The following BMERB1 variants were observed in gnomAD, a reference collection of about 807,000 sequenced individuals.
BMERB1 encodes bMERB domain containing 1, also known as bMERB domain-containing protein 1.
In BMERB1, 12 loss-of-function variants were observed where a neutral mutation model predicts 23.6. That is an observed-to-expected ratio of 0.51 (90% CI 0.33 to 0.82). The LOEUF (loss-of-function observed/expected upper bound fraction) is 0.82, where lower values mean the gene tolerates loss of function less well. Ranked by LOEUF, BMERB1 falls within the 40% of genes least tolerant of loss-of-function variation. The probability of loss-of-function intolerance (pLI) is 0.03; values close to 1 mark genes in which losing one functional copy is unlikely to be tolerated. For synonymous variants in BMERB1, 122 were observed against 96.6 expected (o/e 1.26, Z -1.54); for missense variants, 247 against 255.4 (o/e 0.97, Z 0.22).
chr16:15,522,701 C>T (rs930305136), intron 2 of BMERB1, among the ~76,000 whole-genome samples: 8 of 152,084 alleles, frequency 5.3e-5, no homozygotes, highest in African/African-American at 1.9e-4. Context: ...GTTCCCTTGT[C>T]CCCCTCGCAG....
intron 2 of BMERB1, among the ~76,000 whole-genome samples, chr16:15,558,198 T>C (rs183377114): frequency 3.3e-5 from 5 of 152,192 alleles, no homozygotes; most frequent in African/African-American, 4.8e-5. Context: ...CCATGGGTAG[T>C]AAGCCAATCG....
At chr16:15,477,200 G>A (rs763461566) in intron 1 of BMERB1, among the ~76,000 whole-genome samples, 29 of 152,130 alleles carry the variant, frequency 1.9e-4, no homozygotes, top group Non-Finnish European at 3.1e-4. Context: ...TTAGAATTGT[G>A]TGTGGAAGGC....
intron 2 of BMERB1, among the ~76,000 whole-genome samples, chr16:15,519,279 C>T (rs1349682081): frequency 6.6e-6 from 1 of 152,340 alleles, no homozygotes; most frequent in East Asian, 1.9e-4. Context: ...GTCACACCTG[C>T]TGCGAAGTAA....
intron 1 of BMERB1, among the ~76,000 whole-genome samples, chr16:15,509,738 A>T (rs191332709): frequency 0.053 from 7,986 of 151,910 alleles, 272 homozygotes; most frequent in South Asian, 0.087. Context: ...CCCTGGAGAG[A>T]GTGACATTGT....
chr16:15,452,300 A>AGAAG (rs1367750122), intron 1 of BMERB1, among the ~76,000 whole-genome samples: 1 of 117,700 alleles, frequency 8.5e-6, no homozygotes, highest in Non-Finnish European at 1.8e-5. Flanking sequence ...AAAAAAGAAA[A>AGAAG]GAAGGAAGGA....
intron 2 of BMERB1, among the ~76,000 whole-genome samples, chr16:15,528,085 T>G (rs2051927254): frequency 6.6e-6 from 1 of 152,188 alleles, no homozygotes; most frequent in South Asian, 2.1e-4. Context: ...AAACACTGTC[T>G]TAGTCCGTTC....
chr16:15,469,954 C>T (rs2051215236), intron 1 of BMERB1, among the ~76,000 whole-genome samples: 1 of 152,098 alleles, frequency 6.6e-6, no homozygotes, highest in Admixed American at 6.6e-5. Context: ...TTCTTCCTTC[C>T]TAATTTGTAT....
intron 5 of BMERB1, among the ~76,000 whole-genome samples, chr16:15,585,815 C>A (rs528359631): frequency 1.3e-5 from 2 of 151,844 alleles, no homozygotes; most frequent in Non-Finnish European, 2.9e-5. Flanking sequence ...GGTGACAGAG[C>A]GAGACTCCAT....
chr16:15,523,256 C>T (rs969499676), intron 2 of BMERB1, among the ~76,000 whole-genome samples: 4 of 152,214 alleles, frequency 2.6e-5, no homozygotes, highest in Admixed American at 2.0e-4. Context: ...CTTGTGTCTT[C>T]TTTGCCGATC....
intron 1 of BMERB1, among the ~76,000 whole-genome samples, chr16:15,504,162 A>G (rs1016044203): frequency 6.6e-6 from 1 of 152,142 alleles, no homozygotes; most frequent in Admixed American, 6.5e-5. Flanking sequence ...TGGACTCTGA[A>G]ACCCAAAAGC....
chr16:15,572,424 C>G (rs998968044), intron 3 of BMERB1, among the ~76,000 whole-genome samples: 12 of 152,106 alleles, frequency 7.9e-5, no homozygotes, highest in African/African-American at 2.7e-4. Flanking sequence ...AATAGACTTT[C>G]CTAGTTGAAA....
intron 1 of BMERB1, among the ~76,000 whole-genome samples, chr16:15,470,087 C>A (rs1484225512): frequency 5.9e-5 from 9 of 152,130 alleles, no homozygotes; most frequent in African/African-American, 2.2e-4. Context: ...AAATCAGGTT[C>A]TCACCATTAG....
intron 1 of BMERB1, among the ~76,000 whole-genome samples, chr16:15,469,896 G>C (rs1437462027): frequency 6.6e-6 from 1 of 152,124 alleles, no homozygotes; most frequent in Non-Finnish European, 1.5e-5. Context: ...TAAGTTATTG[G>C]AGATCTACGT....
intron 1 of BMERB1, among the ~76,000 whole-genome samples, chr16:15,490,836 AT>A (rs1344442667): frequency 6.6e-6 from 1 of 151,932 alleles, no homozygotes; most frequent in Non-Finnish European, 1.5e-5. Context: ...TTTTATTCTT[AT>A]TTTTTATTTT....
intron 1 of BMERB1, among the ~76,000 whole-genome samples, chr16:15,506,654 T>A (rs1287388008): frequency 6.6e-6 from 1 of 151,976 alleles, no homozygotes; most frequent in Non-Finnish European, 1.5e-5. Context: ...ACCTGCATCC[T>A]GTTGACCAGA....
chr16:15,435,261 C>A (rs1056652474), intron 1 of BMERB1, among the ~76,000 whole-genome samples: 2 of 152,164 alleles, frequency 1.3e-5, no homozygotes, highest in Non-Finnish European at 2.9e-5. Flanking sequence ...CCTCCCTCGC[C>A]TTCCTTGGGT....
At chr16:15,568,680 G>T (rs76218484) in intron 3 of BMERB1, among the ~76,000 whole-genome samples, 1,682 of 152,092 alleles carry the variant, frequency 0.011, 36 homozygotes, top group African/African-American at 0.038. Context: ...CATAAAAATC[G>T]ATGAGATGAT....
chr16:15,457,953 A>G (rs529758556), intron 1 of BMERB1, among the ~76,000 whole-genome samples: 1 of 152,340 alleles, frequency 6.6e-6, no homozygotes, highest in East Asian at 1.9e-4. Flanking sequence ...AAGAACAGGG[A>G]AAACTGCCTT....
chr16:15,580,811 C>T (rs2030991900), intron 3 of BMERB1, among the ~76,000 whole-genome samples: 1 of 152,002 alleles, frequency 6.6e-6, no homozygotes, highest in South Asian at 2.1e-4. Context: ...TCCCAAAGTG[C>T]TGGGATTACA....
Sources: gnomAD v4.1 joint callset for allele counts (sites outside exome capture counted in the v4.1 genomes callset) on GRCh38, gnomAD v4.1.1 for gene constraint, MANE v1.5 for transcripts, NCBI Gene and HGNC (gene_info 2026-07-23, HGNC 2026-07-21) for gene names.